The following SNX29 variants were observed in gnomAD, a reference collection of about 807,000 sequenced individuals.
The protein encoded by SNX29 is sorting nexin 29, also known as sorting nexin-29.
A neutral mutation model predicts 102.1 loss-of-function variants in SNX29; 78 were observed. The observed-to-expected ratio is 0.76, with a 90% CI of 0.64 to 0.92. The LOEUF (loss-of-function observed/expected upper bound fraction) is 0.92. SNX29 is among the 40% of genes least tolerant of loss of function. The pLI is 0.00. For missense variants in SNX29, 1,280 were observed against 1,061.7 expected, an observed-to-expected ratio of 1.21 and a Z score of -2.86; for synonymous variants, 580 against 414.5, an observed-to-expected ratio of 1.40 and a Z score of -4.85.
chr16:12,012,665 C>T (rs1257258553), intron 3 of SNX29, among the ~76,000 whole-genome samples: 4 of 152,058 alleles, frequency 2.6e-5, no homozygotes, highest in East Asian at 1.9e-4. Context: ...CCTCGGCCTC[C>T]CAAAGTGCTG....
Position 12,180,329 on chromosome 16 carries a change from T to C in SNX29, c.1596-19272T>C, listed in dbSNP as rs151179393. ...GGTTCTGGCGTACGTTGTTCTTTTATGTCATTTTTGTATTGTCTCCAGCTT... is the reference window on the plus strand; with the variant it reads ...GGTTCTGGCGTACGTTGTTCTTTTACGTCATTTTTGTATTGTCTCCAGCTT... On this transcript the variant is annotated intron_variant, in intron 13 of 20. Coordinates refer to ENST00000566228, the MANE Select transcript of SNX29 (RefSeq NM_032167.5). 3.3e-5 allele frequency among the ~76,000 whole-genome samples: 5 copies of C among 152,354 alleles called. No homozygotes were observed. In the East Asian group the frequency reaches 5.8e-4, roughly 18 times the overall value.
intron 8 of SNX29, among the ~76,000 whole-genome samples, chr16:12,057,363 C>G (rs1437141570): frequency 6.6e-6 from 1 of 152,166 alleles, no homozygotes; most frequent in East Asian, 1.9e-4. Context: ...CCTGGCACAT[C>G]CCATAGCATC....
In SNX29 at chr16:12,449,026, G is replaced by T. The variant is rs112075752; in HGVS notation, c.2038-28693G>T. Among the ~76,000 whole-genome samples the T allele has an allele frequency of 8.9e-3, 1,358 of 152,214 alleles. 23 individuals carry two copies. The highest frequency in any genetic ancestry group is 0.031 in the African/African-American group (1,286 of 41,540). The stretch of plus-strand genomic sequence containing the variant: ...GAAGAAGACTCAGTTTAGTTTCAAC[G>T]TACATGTACTACGCAACCTAATTTC... On this transcript the variant is annotated intron_variant, in intron 18 of 20. Transcript: ENST00000566228.
At chr16:12,350,965 C>T (rs2081976444) in intron 15 of SNX29, among the ~76,000 whole-genome samples, 1 of 152,162 alleles carries the variant, frequency 6.6e-6, no homozygotes, top group African/African-American at 2.4e-5. Flanking sequence ...ATGAATTGTC[C>T]TTAACCACCA....
rs368986749 is a variant in SNX29 at position 12,508,455 on chromosome 16, G to A, written c.2179-16247G>A. The stretch of plus-strand genomic sequence containing the variant: ...TTCTTTTTTCTGTTGCTTCTGGATG[G>A]CCTGTAGATATATTTTGTTTGATCT... On this transcript the variant is annotated intron_variant, in intron 19 of 20. Transcript: ENST00000566228. Among the ~76,000 whole-genome samples the A allele has an allele frequency of 6.6e-5, 10 of 152,322 alleles. No homozygotes were observed. In the East Asian group the frequency reaches 1.5e-3, roughly 23 times the overall value.
intron 15 of SNX29, among the ~76,000 whole-genome samples, chr16:12,300,604 A>G (rs1007027842): frequency 7.9e-5 from 12 of 152,236 alleles, no homozygotes; most frequent in African/African-American, 2.7e-4. Flanking sequence ...GAATGATGAG[A>G]GAGAATAGCA....
At chr16:12,061,746 G>A in intron 9 of SNX29, 100 bp downstream of exon 9, 1 of 989,288 alleles carries the variant, frequency 1.0e-6, no homozygotes, top group Non-Finnish European at 1.5e-6. Flanking sequence ...ATGGGAGCCG[G>A]GAGGCACGGG....
At chr16:12,013,871 G>C (rs2056761059) in intron 3 of SNX29, among the ~76,000 whole-genome samples, 1 of 151,800 alleles carries the variant, frequency 6.6e-6, no homozygotes, top group Non-Finnish European at 1.5e-5. Flanking sequence ...GGCTGGTCTT[G>C]AACTCCTGAG....
chr16:12,415,238 A>G (rs180676553), intron 18 of SNX29, among the ~76,000 whole-genome samples: 1 of 152,374 alleles, frequency 6.6e-6, no homozygotes, highest in East Asian at 1.9e-4. Context: ...TCTGCAAGGT[A>G]TAAGCGCTGT....
rs1304227136 is a variant in SNX29 at position 12,462,001 on chromosome 16, ATATATATATATG to A, written c.2038-15713_2038-15702del. Among the ~76,000 whole-genome samples the A allele has an allele frequency of 6.9e-5, 5 of 71,954 alleles. No homozygotes were observed. In the South Asian group the frequency reaches 1.7e-3, roughly 24 times the overall value. The allele number at this position is 71,954 out of a possible 152,430, so 47.2% of individuals were successfully genotyped here. On this transcript the variant is annotated intron_variant, in intron 18 of 20. Coordinates refer to ENST00000566228, the MANE Select transcript of SNX29 (RefSeq NM_032167.5). ...AAAATATATATATATATATATATAT[ATATATATATATG>A]TATACACACACACACACACACACAC... is the stretch of plus-strand genomic sequence containing the variant.
intron 18 of SNX29, among the ~76,000 whole-genome samples, chr16:12,417,694 G>GTCCTCTCTTCTCTT (rs528011271): frequency 1.3e-5 from 2 of 150,754 alleles, no homozygotes; most frequent in African/African-American, 4.9e-5. Flanking sequence ...CCTGTTCTGT[G>GTCCTCTCTTCTCTT]TCCTCTCTTC....
intron 20 of SNX29, among the ~76,000 whole-genome samples, chr16:12,559,299 T>A (rs2078573490): frequency 6.6e-6 from 1 of 151,950 alleles, no homozygotes; most frequent in African/African-American, 2.4e-5. Context: ...CTGAAAGGCA[T>A]GCAAACCCTA....
intron 15 of SNX29, among the ~76,000 whole-genome samples, chr16:12,280,038 G>A (rs147095999): frequency 1.3e-5 from 2 of 152,184 alleles, no homozygotes; most frequent in African/African-American, 4.8e-5. Context: ...CAGCGTGTAG[G>A]GGTGGGGTGG....
At chr16:12,089,260 G>A (rs1417846962) in intron 11 of SNX29, among the ~76,000 whole-genome samples, 4 of 152,044 alleles carry the variant, frequency 2.6e-5, no homozygotes, top group African/African-American at 9.7e-5. Flanking sequence ...GAGCCTAGGA[G>A]GTCGAGGCTT....
chr16:12,265,925 A>G (rs951395441), intron 14 of SNX29, among the ~76,000 whole-genome samples: 2 of 152,014 alleles, frequency 1.3e-5, no homozygotes, highest in African/African-American at 2.4e-5. Flanking sequence ...GACACTTGGC[A>G]TGAGAATAGA....
At chr16:12,093,831 CG>C (rs2052660873) in intron 11 of SNX29, 1 of 152,170 alleles carries the variant, frequency 6.6e-6, no homozygotes, top group South Asian at 2.1e-4. Context: ...TGTGCACATA[CG>C]TGGATTTTCC....
chr16:12,406,406 C>T (rs920431432), intron 18 of SNX29, among the ~76,000 whole-genome samples: 2 of 152,330 alleles, frequency 1.3e-5, no homozygotes, highest in African/African-American at 2.4e-5. Flanking sequence ...AGACAATCCC[C>T]ATCTACATTC....
intron 8 of SNX29, among the ~76,000 whole-genome samples, chr16:12,056,027 G>T (rs1220907635): frequency 6.6e-6 from 1 of 152,078 alleles, no homozygotes; most frequent in Non-Finnish European, 1.5e-5. Flanking sequence ...GACTACAGGA[G>T]TGTGCCACTA....
chr16:12,525,042 G>A, intron 20 of SNX29, among the ~76,000 whole-genome samples: 1 of 152,144 alleles, frequency 6.6e-6, no homozygotes, highest in African/African-American at 2.4e-5. Flanking sequence ...TGGGAAGAGA[G>A]CAGGCCTGCA....
Sources: gnomAD v4.1 joint callset for allele counts (sites outside exome capture counted in the v4.1 genomes callset) on GRCh38, gnomAD v4.1.1 for gene constraint, MANE v1.5 for transcripts, NCBI Gene and HGNC (gene_info 2026-07-23, HGNC 2026-07-21) for gene names.